Variants in NALF1 observed in about 807,000 individuals in gnomAD.
NALF1 encodes the protein family with sequence similarity 155 member A.
NALF1 carries 3 observed loss-of-function variants against 48.4 expected under a neutral mutation model. That is an observed-to-expected ratio of 0.06 (90% CI 0.03 to 0.16). NALF1 has a LOEUF of 0.16. NALF1 is among the 10% of genes least tolerant of loss of function. The probability of loss-of-function intolerance (pLI) is 1.00; values close to 1 mark genes in which losing one functional copy is unlikely to be tolerated. For synonymous variants in NALF1, 262 were observed against 245.7 expected (o/e 1.07, Z -0.62); for missense variants, 526 against 571.5 (o/e 0.92, Z 0.81).
chr13:107,402,757 C>G (rs889132282), intron 1 of NALF1, among the ~76,000 whole-genome samples: 8 of 152,058 alleles, frequency 5.3e-5, no homozygotes, highest in Non-Finnish European at 1.0e-4. Flanking sequence ...GTTTCCTTGC[C>G]TAGAAACGGG....
At chr13:107,634,452 A>T (rs893240984) in intron 1 of NALF1, among the ~76,000 whole-genome samples, 5 of 152,210 alleles carry the variant, frequency 3.3e-5, no homozygotes, top group East Asian at 3.8e-4. Flanking sequence ...TGAATTTTTT[A>T]AAAAATTAAT....
intron 1 of NALF1, among the ~76,000 whole-genome samples, chr13:107,760,205 G>C (rs984394529): frequency 6.6e-6 from 1 of 152,094 alleles, no homozygotes; most frequent in East Asian, 1.9e-4. Context: ...TTTTTCAGAG[G>C]GATATGTTTG....
intron 2 of NALF1, among the ~76,000 whole-genome samples, chr13:107,186,685 C>T (rs1234878586): frequency 1.1e-4 from 16 of 152,138 alleles, no homozygotes; most frequent in African/African-American, 3.9e-4. Flanking sequence ...ATTTTCTAGG[C>T]AATTTTTACA....
intron 1 of NALF1, among the ~76,000 whole-genome samples, chr13:107,540,550 AG>A (rs1285138337): frequency 1.3e-5 from 2 of 152,150 alleles, no homozygotes; most frequent in Non-Finnish European, 2.9e-5. Context: ...CTTTTAGAAA[AG>A]GGAACAATTT....
intron 1 of NALF1, among the ~76,000 whole-genome samples, chr13:107,355,007 AT>A (rs973812887): frequency 6.6e-6 from 1 of 152,184 alleles, no homozygotes; most frequent in African/African-American, 2.4e-5. Context: ...TCAGCAGGGC[AT>A]GGATTTGAGA....
At chr13:107,503,898 A>G (rs1268798181) in intron 1 of NALF1, among the ~76,000 whole-genome samples, 1 of 151,238 alleles carries the variant, frequency 6.6e-6, no homozygotes, top group Non-Finnish European at 1.5e-5. Context: ...AGAAAGAAAA[A>G]TATTGCATCT....
At chr13:107,573,525 G>A (rs1297850483) in intron 1 of NALF1, among the ~76,000 whole-genome samples, 1 of 152,102 alleles carries the variant, frequency 6.6e-6, no homozygotes, top group Non-Finnish European at 1.5e-5. Flanking sequence ...ATATGGAAAC[G>A]TAGCTAATTT....
At chr13:107,477,072 C>A (rs1885185847) in intron 1 of NALF1, among the ~76,000 whole-genome samples, 1 of 152,026 alleles carries the variant, frequency 6.6e-6, no homozygotes, top group Non-Finnish European at 1.5e-5. Flanking sequence ...TCATCTTTGT[C>A]TTCTATTTCA....
At chr13:107,519,821 T>A (rs1876178209) in intron 1 of NALF1, among the ~76,000 whole-genome samples, 1 of 152,148 alleles carries the variant, frequency 6.6e-6, no homozygotes, top group Non-Finnish European at 1.5e-5. Context: ...AGAAGTAGCT[T>A]GAGAAAGAGT....
chr13:107,478,987 T>C (rs764017761), intron 1 of NALF1, among the ~76,000 whole-genome samples: 2 of 152,192 alleles, frequency 1.3e-5, no homozygotes, highest in African/African-American at 2.4e-5. Flanking sequence ...GGTTTCATCA[T>C]GCAGAGCACC....
chr13:107,553,614 G>T (rs545420326), intron 1 of NALF1, among the ~76,000 whole-genome samples: 1 of 152,132 alleles, frequency 6.6e-6, no homozygotes, highest in Non-Finnish European at 1.5e-5. Flanking sequence ...TAGTTGAATT[G>T]TCATATCAAT....
chr13:107,741,512 G>C (rs1876632427), intron 1 of NALF1, among the ~76,000 whole-genome samples: 1 of 61,528 alleles, frequency 1.6e-5, no homozygotes, highest in Middle Eastern at 7.5e-3. Flanking sequence ...AAGCTTGAAT[G>C]ATGACAGGTA....
chr13:107,263,516 C>T (rs189693998), intron 1 of NALF1, among the ~76,000 whole-genome samples: 17 of 152,140 alleles, frequency 1.1e-4, no homozygotes, highest in African/African-American at 3.4e-4. Context: ...GTGGAAGAGA[C>T]CCAGTGGGAG....
chr13:107,750,087 T>C (rs1876893391), intron 1 of NALF1, among the ~76,000 whole-genome samples: 1 of 152,142 alleles, frequency 6.6e-6, no homozygotes, highest in Admixed American at 6.6e-5. Flanking sequence ...CAAAGTGTTT[T>C]TAAATTTTCA....
In NALF1 at chr13:107,215,580, T is replaced by C. The variant is rs181564639; in HGVS notation, c.916-4825A>G. On this transcript the variant is annotated intron_variant, in intron 1 of 2. Transcript: ENST00000375915. Reference sequence around the variant, plus strand: ...GACCGAGGGGGAGTACTTTGCTTCCTGATTACGGGGAGTGATGTGAAGCCA... The same window carrying C: ...GACCGAGGGGGAGTACTTTGCTTCCCGATTACGGGGAGTGATGTGAAGCCA... 5.3e-5 allele frequency among the ~76,000 whole-genome samples: 8 copies of C among 152,330 alleles called. No homozygotes were observed. The East Asian group carries it at 1.5e-3, about 29-fold the overall frequency.
At chr13:107,701,208 C>T (rs959075501) in intron 1 of NALF1, among the ~76,000 whole-genome samples, 1 of 152,096 alleles carries the variant, frequency 6.6e-6, no homozygotes, top group African/African-American at 2.4e-5. Context: ...AGCATTATTC[C>T]CAAGAGCCAA....
chr13:107,422,042 C>T (rs1184276404), intron 1 of NALF1, among the ~76,000 whole-genome samples: 1 of 152,122 alleles, frequency 6.6e-6, no homozygotes, highest in East Asian at 1.9e-4. Context: ...TGTCACCATT[C>T]AACCCTTACC....
At chr13:107,497,013 A>C (rs1019244776) in intron 1 of NALF1, among the ~76,000 whole-genome samples, 1 of 152,154 alleles carries the variant, frequency 6.6e-6, no homozygotes, top group Non-Finnish European at 1.5e-5. Context: ...AAAATATTCT[A>C]CTGGAGCATG....
intron 1 of NALF1, among the ~76,000 whole-genome samples, chr13:107,844,521 G>A (rs1021773403): frequency 5.9e-5 from 9 of 152,096 alleles, no homozygotes; most frequent in Non-Finnish European, 1.2e-4. Context: ...TCAATATTCA[G>A]TAGTTCTTGC....
Sources: allele counts gnomAD v4.1 joint callset (sites outside exome capture counted in the v4.1 genomes callset), GRCh38; gene constraint gnomAD v4.1.1; transcripts MANE v1.5; gene names NCBI Gene and HGNC (gene_info 2026-07-23, HGNC 2026-07-21).